The following BCKDHB variants were observed in gnomAD, a reference collection of about 807,000 sequenced individuals.
BCKDHB encodes the protein 2-oxoisovalerate dehydrogenase subunit beta, mitochondrial.
A neutral mutation model predicts 48.5 loss-of-function variants in BCKDHB; 41 were observed. The ratio of observed to expected loss-of-function variants is 0.85; its 90% CI spans 0.66 to 1.10. The LOEUF (loss-of-function observed/expected upper bound fraction) is 1.10. Ranked by LOEUF, BCKDHB falls within the 50% of genes least tolerant of loss-of-function variation. BCKDHB has a pLI of 0.00. For synonymous variants in BCKDHB, 201 were observed against 174.8 expected (o/e 1.15, Z -1.18); for missense variants, 496 against 494.2 (o/e 1.00, Z -0.03).
intron 3 of BCKDHB, among the ~76,000 whole-genome samples, chr6:80,165,876 T>G (rs568901591): frequency 7.9e-5 from 12 of 152,292 alleles, no homozygotes; most frequent in African/African-American, 2.9e-4. Flanking sequence ...GGCAAGGATT[T>G]GATCAGTTTT....
At chr6:80,373,699 A>T in the BCKDHB span, among the ~76,000 whole-genome samples, 1 of 152,104 alleles carries the variant, frequency 6.6e-6, no homozygotes, top group Non-Finnish European at 1.5e-5. Flanking sequence ...TATTGGGTGC[A>T]TATATATTTG....
At chr6:80,362,500 G>A in the BCKDHB span, among the ~76,000 whole-genome samples, 1 of 152,112 alleles carries the variant, frequency 6.6e-6, no homozygotes, top group Non-Finnish European at 1.5e-5. Context: ...GTCTTTTCTT[G>A]TGGGAATAGT....
intron 8 of BCKDHB, among the ~76,000 whole-genome samples, chr6:80,261,897 A>G (rs1447057848): frequency 6.6e-6 from 1 of 152,020 alleles, no homozygotes; most frequent in Non-Finnish European, 1.5e-5. Context: ...TTCCTTTACT[A>G]ATCTTTGAAT....
At chr6:80,354,600 G>A in the BCKDHB span, among the ~76,000 whole-genome samples, 4 of 152,170 alleles carry the variant, frequency 2.6e-5, no homozygotes, top group African/African-American at 9.7e-5. Flanking sequence ...CCAATGTGCA[G>A]AAGAGTTTTC....
chr6:80,362,908 C>G, the BCKDHB span, among the ~76,000 whole-genome samples: 1 of 152,108 alleles, frequency 6.6e-6, no homozygotes, highest in African/African-American at 2.4e-5. Flanking sequence ...AAAGACGTGC[C>G]TTTAGATGTA....
chr6:80,349,089 T>A (rs190992244), downstream of BCKDHB, among the ~76,000 whole-genome samples: 3 of 152,330 alleles, frequency 2.0e-5, no homozygotes, highest in East Asian at 3.9e-4. Context: ...ATAGTGATGA[T>A]CATAAATATG....
chr6:80,319,283 T>C (rs1051153760), intron 9 of BCKDHB, among the ~76,000 whole-genome samples: 2 of 152,230 alleles, frequency 1.3e-5, no homozygotes, highest in African/African-American at 4.8e-5. Flanking sequence ...TGTGGGCTTA[T>C]ATGAATTTTT....
intron 9 of BCKDHB, among the ~76,000 whole-genome samples, chr6:80,341,941 C>A (rs1769927686): frequency 6.6e-6 from 1 of 152,178 alleles, no homozygotes; most frequent in Non-Finnish European, 1.5e-5. Context: ...GTAGTGGAAT[C>A]TCTTAGGTGG....
the BCKDHB span, among the ~76,000 whole-genome samples, chr6:80,442,752 A>G: frequency 1.1e-4 from 16 of 152,172 alleles, no homozygotes; most frequent in African/African-American, 3.6e-4. Context: ...TGGACAAAAT[A>G]TGGAATTCCA....
At chr6:80,274,950 T>C (rs1777908428) in intron 9 of BCKDHB, among the ~76,000 whole-genome samples, 1 of 151,982 alleles carries the variant, frequency 6.6e-6, no homozygotes, top group Admixed American at 6.6e-5. Flanking sequence ...TTAAACATAG[T>C]CACTATAACT....
the BCKDHB span, among the ~76,000 whole-genome samples, chr6:80,428,974 A>C: frequency 6.6e-6 from 1 of 152,182 alleles, no homozygotes; most frequent in African/African-American, 2.4e-5. Context: ...GGTATTGCCT[A>C]GGTTTTCTGC....
At chr6:80,273,086 T>C (rs1777819055) in intron 8 of BCKDHB, 49 bp from the exon 9 acceptor site, 7 of 1,376,546 alleles carry the variant, frequency 5.1e-6, no homozygotes, top group Middle Eastern at 1.8e-4. Flanking sequence ...CCATCATATA[T>C]ATAAAATAGA....
At chr6:80,207,766 A>G (rs2127834943) in intron 8 of BCKDHB, among the ~76,000 whole-genome samples, 1 of 151,934 alleles carries the variant, frequency 6.6e-6, no homozygotes, top group South Asian at 2.1e-4. Flanking sequence ...GGAGCATTTC[A>G]TTATGCCAAA....
the BCKDHB span, among the ~76,000 whole-genome samples, chr6:80,378,159 A>C: frequency 5.9e-5 from 9 of 152,292 alleles, no homozygotes; most frequent in South Asian, 1.7e-3. Flanking sequence ...TACTATGTGC[A>C]TAATGGTTGA....
At chr6:80,439,211 G>A in the BCKDHB span, among the ~76,000 whole-genome samples, 414 of 152,228 alleles carry the variant, frequency 2.7e-3, 2 homozygotes, top group African/African-American at 9.5e-3. Context: ...CAGAGGTTTC[G>A]ACTCAATCAC....
At chr6:80,243,652 C>A (rs1776487868) in intron 8 of BCKDHB, among the ~76,000 whole-genome samples, 2 of 152,098 alleles carry the variant, frequency 1.3e-5, no homozygotes, top group Non-Finnish European at 2.9e-5. Flanking sequence ...CCCACCTCAG[C>A]CTCCCGAGTA....
intron 8 of BCKDHB, among the ~76,000 whole-genome samples, chr6:80,227,945 G>T (rs1312816625): frequency 6.6e-6 from 1 of 152,158 alleles, no homozygotes; most frequent in African/African-American, 2.4e-5. Context: ...ATGAAAGAGT[G>T]GTTGCTTTTT....
chr6:80,299,748 A>C (rs565014716), intron 9 of BCKDHB, among the ~76,000 whole-genome samples: 102 of 152,312 alleles, frequency 6.7e-4, no homozygotes, highest in Non-Finnish European at 1.2e-3. Context: ...ACCTGCTACA[A>C]CGAAAACATA....
chr6:80,456,514 A>G, the BCKDHB span, among the ~76,000 whole-genome samples: 5 of 152,186 alleles, frequency 3.3e-5, no homozygotes, highest in Non-Finnish European at 5.9e-5. Flanking sequence ...AAAGGTGTAA[A>G]GCATGTGTAG....
Sources: gnomAD v4.1 joint callset for allele counts (sites outside exome capture counted in the v4.1 genomes callset) on GRCh38, gnomAD v4.1.1 for gene constraint, MANE v1.5 for transcripts, NCBI Gene and HGNC (gene_info 2026-07-23, HGNC 2026-07-21) for gene names.